KCNMB2: variants seen among roughly 807,000 people sequenced by gnomAD.
The protein encoded by KCNMB2 is calcium-activated potassium channel subunit beta-2.
KCNMB2 carries 9 observed loss-of-function variants against 24.5 expected under a neutral mutation model. The ratio of observed to expected loss-of-function variants is 0.37; its 90% CI spans 0.22 to 0.64. The LOEUF (loss-of-function observed/expected upper bound fraction) is 0.64, where lower values mean the gene tolerates loss of function less well. Ranked by LOEUF, KCNMB2 falls within the 30% of genes least tolerant of loss-of-function variation. The pLI is 0.63. For missense variants in KCNMB2, 226 were observed against 284.3 expected (o/e 0.79, Z 1.47); for synonymous variants, 109 against 104.4 (o/e 1.04, Z -0.27).
At chr3:178,647,238 T>TA (rs1186215483) in intron 1 of KCNMB2, among the ~76,000 whole-genome samples, 6 of 152,062 alleles carry the variant, frequency 3.9e-5, no homozygotes, top group Non-Finnish European at 8.8e-5. Context: ...CCTTCCAAAT[T>TA]AAAAAAACAA....
chr3:178,657,762 G>T (rs1720395220), intron 1 of KCNMB2, among the ~76,000 whole-genome samples: 2 of 152,202 alleles, frequency 1.3e-5, no homozygotes, highest in South Asian at 4.1e-4. Flanking sequence ...TCTGGTGAGG[G>T]CCTCATGCTG....
chr3:178,666,623 A>C (rs1248318896), intron 1 of KCNMB2, among the ~76,000 whole-genome samples: 1 of 152,180 alleles, frequency 6.6e-6, no homozygotes, highest in Non-Finnish European at 1.5e-5. Context: ...TGCATGTTGA[A>C]AATCTTATTT....
At chr3:178,568,302 C>G (rs995607624) in intron 1 of KCNMB2, among the ~76,000 whole-genome samples, 4 of 152,146 alleles carry the variant, frequency 2.6e-5, no homozygotes, top group African/African-American at 9.7e-5. Flanking sequence ...ACTTTAAAGC[C>G]TGTTGACTAA....
chr3:178,547,109 TG>T (rs1178414268), intron 1 of KCNMB2, among the ~76,000 whole-genome samples: 10 of 151,924 alleles, frequency 6.6e-5, no homozygotes, highest in Admixed American at 3.9e-4. Flanking sequence ...TTCGCTGGAG[TG>T]GGTTAGTTAT....
chr3:178,569,785 C>T (rs1391698104), intron 1 of KCNMB2, among the ~76,000 whole-genome samples: 1 of 152,084 alleles, frequency 6.6e-6, no homozygotes, highest in Non-Finnish European at 1.5e-5. Context: ...AAAAGTCAGC[C>T]CTTCTGTCTC....
chr3:178,641,620 C>A lies in KCNMB2; in HGVS notation c.-68+104909C>A, dbSNP rs1012981117. 2.0e-5 allele frequency among the ~76,000 whole-genome samples: 3 copies of A among 151,940 alleles called. No individual in the cohort carries two copies. The East Asian group carries it at 5.8e-4, about 29-fold the overall frequency. ...CACATAATCATATGTATGAATAAAG[C>A]TTTTTTTTCTTTTTCCCCACTTTGT... On this transcript the variant is annotated intron_variant, in intron 1 of 4. Coordinates refer to ENST00000452583, the MANE Select transcript of KCNMB2 (RefSeq NM_181361.3).
intron 4 of KCNMB2, among the ~76,000 whole-genome samples, chr3:178,829,359 A>G (rs944043068): frequency 6.6e-6 from 1 of 152,208 alleles, no homozygotes; most frequent in Non-Finnish European, 1.5e-5. Flanking sequence ...AATGCAGTAG[A>G]TTCAAGGTTC....
intron 2 of KCNMB2, among the ~76,000 whole-genome samples, chr3:178,811,439 G>C (rs778446539): frequency 1.2e-4 from 19 of 152,072 alleles, no homozygotes; most frequent in Non-Finnish European, 2.1e-4. Flanking sequence ...CCATCCAAAT[G>C]TTTGGAGACT....
chr3:178,559,527 T>C (rs1003841097), intron 1 of KCNMB2, among the ~76,000 whole-genome samples: 1 of 151,920 alleles, frequency 6.6e-6, no homozygotes, highest in East Asian at 1.9e-4. Flanking sequence ...AAAAGTATCT[T>C]CATTGTTTTA....
chr3:178,536,938 G>A (rs1327480802), intron 1 of KCNMB2, among the ~76,000 whole-genome samples: 1 of 152,320 alleles, frequency 6.6e-6, no homozygotes, highest in African/African-American at 2.4e-5. Context: ...AGCTTGCTGA[G>A]TGTGCATTCC....
chr3:178,814,209 A>C (rs79480556), intron 2 of KCNMB2, among the ~76,000 whole-genome samples: 311 of 152,144 alleles, frequency 2.0e-3, no homozygotes, highest in African/African-American at 7.2e-3. Flanking sequence ...GTCCACATGT[A>C]CCCATTGTTT....
At chr3:178,737,993 A>G (rs1318622735) in intron 1 of KCNMB2, among the ~76,000 whole-genome samples, 1 of 152,184 alleles carries the variant, frequency 6.6e-6, no homozygotes, top group African/African-American at 2.4e-5. Context: ...AAAATTGTCA[A>G]TATCCTCCCC....
intron 1 of KCNMB2, among the ~76,000 whole-genome samples, chr3:178,653,874 ATGTGTCCCT>A (rs1453447417): frequency 6.6e-5 from 10 of 152,128 alleles, no homozygotes; most frequent in Non-Finnish European, 1.5e-5. Context: ...TGCTGAGTTT[ATGTGTCCCT>A]CATCTCAGTA....
At chr3:178,760,233 T>C (rs1464221594) in intron 1 of KCNMB2, among the ~76,000 whole-genome samples, 1 of 68,502 alleles carries the variant, frequency 1.5e-5, no homozygotes, top group South Asian at 5.3e-4. Context: ...TATATAGATA[T>C]ATCCAAGAGG....
intron 1 of KCNMB2, among the ~76,000 whole-genome samples, chr3:178,601,810 C>A (rs1489798870): frequency 6.6e-6 from 1 of 152,154 alleles, no homozygotes. Context: ...GAGTTGAAAA[C>A]TAACAGTGGC....
At chr3:178,698,397 C>T (rs1721958968) in intron 1 of KCNMB2, among the ~76,000 whole-genome samples, 1 of 152,160 alleles carries the variant, frequency 6.6e-6, no homozygotes, top group Non-Finnish European at 1.5e-5. Context: ...GTGTTTCCTC[C>T]ACTTGGTCTA....
At chr3:178,750,464 A>T (rs1723807073) in intron 1 of KCNMB2, among the ~76,000 whole-genome samples, 1 of 152,226 alleles carries the variant, frequency 6.6e-6, no homozygotes, top group Non-Finnish European at 1.5e-5. Context: ...GATAAGGGCA[A>T]TAGAAAGGCC....
chr3:178,556,979 G>T (rs1716146242), intron 1 of KCNMB2, among the ~76,000 whole-genome samples: 1 of 152,136 alleles, frequency 6.6e-6, no homozygotes, highest in Non-Finnish European at 1.5e-5. Flanking sequence ...GAGGGACAAG[G>T]GAAGGTGTTT....
intron 1 of KCNMB2, among the ~76,000 whole-genome samples, chr3:178,679,763 G>A (rs115442533): frequency 1.3e-5 from 2 of 151,974 alleles, no homozygotes; most frequent in Admixed American, 1.3e-4. Context: ...ATGCCCAAAG[G>A]CCTGGAAAGA....
Sources: gnomAD v4.1 joint callset for allele counts (sites outside exome capture counted in the v4.1 genomes callset) on GRCh38, gnomAD v4.1.1 for gene constraint, MANE v1.5 for transcripts, NCBI Gene and HGNC (gene_info 2026-07-23, HGNC 2026-07-21) for gene names.